Variants in CHST12 observed in about 807,000 individuals in gnomAD.
CHST12 encodes carbohydrate (chondroitin 4) sulfotransferase 12.
In CHST12, 23 loss-of-function variants were observed where a neutral mutation model predicts 27.9. That is an observed-to-expected ratio of 0.82 (90% CI 0.59 to 1.17). The LOEUF is 1.17. Among genes scored for constraint, CHST12 ranks in the 50% most tolerant of loss-of-function variants. CHST12 has a pLI of 0.00. For missense variants in CHST12, 682 were observed against 603.0 expected, an observed-to-expected ratio of 1.13 and a Z score of -1.37; for synonymous variants, 322 against 273.0, an observed-to-expected ratio of 1.18 and a Z score of -1.77.
intron 1 of CHST12, among the ~76,000 whole-genome samples, chr7:2,411,490 C>CTTTTT (rs79743047): frequency 3.4e-5 from 3 of 87,548 alleles, no homozygotes; most frequent in East Asian, 4.2e-4. Flanking sequence ...TAACTTAACT[C>CTTTTT]TTTTTTTTTT....
At chr7:2,420,676 A>G (rs1233616213) in intron 1 of CHST12, among the ~76,000 whole-genome samples, 5 of 152,048 alleles carry the variant, frequency 3.3e-5, no homozygotes, top group Admixed American at 2.6e-4. Flanking sequence ...GCAACCACCT[A>G]TAGTCTCAGC....
Position 2,435,481 on chromosome 7 carries a change from C to T in CHST12, c.*1597C>T, listed in dbSNP as rs1396106202. 1 of 152,204 alleles carries T rather than the reference C, an allele frequency of 6.6e-6. No homozygotes were observed. Among genetic ancestry groups the T allele is most frequent in the Non-Finnish European group, 1.5e-5 (1 of 68,060 alleles). The allele number at this position is 152,204 out of a possible 1,614,324, so 9.4% of individuals were successfully genotyped here. On this transcript the variant is annotated 3_prime_UTR_variant, in exon 2 of 2. Transcript: ENST00000618655. ...ATGGGCCCTGTCTTGATAAAAGTGT[C>T]AGAGGAGGCTCTGGAAACATCTGGC...
chr7:2,421,227 CTTTTTTT>C (rs60332594), intron 1 of CHST12, among the ~76,000 whole-genome samples: 3 of 92,008 alleles, frequency 3.3e-5, no homozygotes, highest in African/African-American at 1.3e-4. Context: ...CCTGCTAATT[CTTTTTTT>C]TTTTTTTTTT....
intron 1 of CHST12, among the ~76,000 whole-genome samples, chr7:2,410,121 C>G (rs1404691050): frequency 6.6e-6 from 1 of 152,212 alleles, no homozygotes; most frequent in Non-Finnish European, 1.5e-5. Context: ...GGTTTTAAAA[C>G]ATACCGACCA....
chr7:2,445,050 A>C lies in CHST12; in HGVS notation c.*11166A>C. The C allele has an allele frequency of 6.6e-6, 1 of 152,206 alleles. No individual in the cohort carries two copies. Among genetic ancestry groups the C allele is most frequent in the East Asian group, 1.9e-4 (1 of 5,198 alleles). 9.4% of individuals were successfully genotyped at this position (152,206 alleles called of 1,614,324 possible). ...CAAAATTTGGGGGCACAGATTTGCAAAGTGGATTTCAACATGTCGGGTTTC... is the reference window on the plus strand; with the variant it reads ...CAAAATTTGGGGGCACAGATTTGCACAGTGGATTTCAACATGTCGGGTTTC... On this transcript the variant is annotated 3_prime_UTR_variant, in exon 2 of 2. Coordinates refer to ENST00000618655, the MANE Select transcript of CHST12 (RefSeq NM_018641.5).
chr7:2,411,284 G>A (rs1038640865), intron 1 of CHST12, among the ~76,000 whole-genome samples: 1 of 151,952 alleles, frequency 6.6e-6, no homozygotes, highest in Non-Finnish European at 1.5e-5. Flanking sequence ...TTCTTGGTAT[G>A]TTGCGCAAGC....
At chr7:2,428,634 C>A (rs1433754002) in intron 1 of CHST12, among the ~76,000 whole-genome samples, 1 of 152,040 alleles carries the variant, frequency 6.6e-6, no homozygotes, top group Non-Finnish European at 1.5e-5. Flanking sequence ...GTGAGATGGT[C>A]ACATGGGGAT....
At chr7:2,404,235 C>G (rs1232764627) in intron 1 of CHST12, 1 of 152,402 alleles carries the variant, frequency 6.6e-6, no homozygotes, top group Non-Finnish European at 1.5e-5. Context: ...TAAATGACCT[C>G]TCACTCCAGA....
At chr7:2,404,529 G>A (rs1240578555) in intron 1 of CHST12, among the ~76,000 whole-genome samples, 2 of 152,382 alleles carry the variant, frequency 1.3e-5, no homozygotes, top group South Asian at 2.1e-4. Context: ...AGGACACCAG[G>A]CCCTACGGTG....
rs1190067056 is a variant in CHST12, at chr7:2,433,238, T to C, written c.599T>C (p.Leu200Pro). 6.2e-7 allele frequency: 1 copy of C among 1,611,770 alleles called. No individual in the cohort carries two copies. The highest frequency in any genetic ancestry group is 8.5e-7 in the Non-Finnish European group (1 of 1,178,916). Residue 200 changes from leucine (L) to proline (P), a missense_variant, in exon 2 of 2, where the codon CTG becomes CCG. Leu to Pro is a moderately conservative substitution (Grantham distance 98). Coordinates refer to ENST00000618655, the MANE Select transcript of CHST12 (RefSeq NM_018641.5). The surrounding 1 kb of genome is among the most constrained non-coding windows in gnomAD (Gnocchi z 6.1). Reference protein sequence around the residue: ...LHRGAPYRDPLRIPREHVHNA... With the variant: ...LHRGAPYRDPPRIPREHVHNA... ...CGCGGTGCGCCCTACCGCGACCCGC[T>C]GCGCATCCCGCGCGAGCACGTGCAC...
chr7:2,412,954 A>C (rs990640101), intron 1 of CHST12, among the ~76,000 whole-genome samples: 1 of 152,176 alleles, frequency 6.6e-6, no homozygotes, highest in African/African-American at 2.4e-5. Flanking sequence ...AGTAATAATA[A>C]AAATAACACA....
In CHST12 at chr7:2,433,277, A is replaced by G; in HGVS notation, c.638A>G (p.His213Arg). The G allele has an allele frequency of 2.5e-6, 4 of 1,612,098 alleles. No individual in the cohort carries two copies. Among genetic ancestry groups the G allele is most frequent in the Non-Finnish European group, 3.4e-6 (4 of 1,178,972 alleles). The change falls in exon 2 of 2, where the codon CAC (histidine) becomes CGC (arginine). Residue 213 changes from histidine (H) to arginine (R), a missense_variant. Transcript: ENST00000618655. This position sits in a 1 kb window ranked among gnomAD's most constrained non-coding sequence, Gnocchi z 6.1. ...GAGCACGTGCACAACGCCAGCGCGC[A>G]CCTGACCTTCAACAAGTTCTGGCGC... The part of the protein sequence containing the change: ...PREHVHNASA[H>R]LTFNKFWRRY...
intron 1 of CHST12, among the ~76,000 whole-genome samples, chr7:2,415,420 A>G (rs750859633): frequency 1.1e-4 from 16 of 152,124 alleles, no homozygotes; most frequent in Admixed American, 6.6e-4. Flanking sequence ...TAAGTGTGCA[A>G]TAGCATTATG....
rs551275629 is a variant in CHST12 at position 2,433,250 on chromosome 7, G to A, written c.611G>A (p.Arg204His). The A allele has an allele frequency of 2.5e-5, 41 of 1,611,438 alleles. No homozygotes were observed. The highest frequency in any genetic ancestry group is 3.3e-5 in the Non-Finnish European group (39 of 1,178,642). Reference sequence around the variant, plus strand: ...TACCGCGACCCGCTGCGCATCCCGCGCGAGCACGTGCACAACGCCAGCGCG... The same window carrying A: ...TACCGCGACCCGCTGCGCATCCCGCACGAGCACGTGCACAACGCCAGCGCG... Reference protein sequence around the residue: ...APYRDPLRIPREHVHNASAHL... With the variant: ...APYRDPLRIPHEHVHNASAHL... The change falls in exon 2 of 2, where the codon CGC (arginine) becomes CAC (histidine). Residue 204 changes from arginine to histidine, a missense_variant. Coordinates refer to ENST00000618655, the MANE Select transcript of CHST12 (RefSeq NM_018641.5). This position sits in a 1 kb window ranked among gnomAD's most constrained non-coding sequence, Gnocchi z 6.1.
chr7:2,440,962 C>G lies in CHST12; in HGVS notation c.*7078C>G, dbSNP rs1459842475. The G allele has an allele frequency of 1.3e-5, 2 of 152,146 alleles. No homozygotes were observed. Among genetic ancestry groups the G allele is most frequent in the Non-Finnish European group, 2.9e-5 (2 of 68,028 alleles). The allele number at this position is 152,146 out of a possible 1,614,324, so 9.4% of individuals were successfully genotyped here. ...GCCAGGCCCTGTCTTTTTTCCTTGTCTAAGCACCATCCTTGCTTAGGAGAG... is the reference window on the plus strand; with the variant it reads ...GCCAGGCCCTGTCTTTTTTCCTTGTGTAAGCACCATCCTTGCTTAGGAGAG... On this transcript the variant is annotated 3_prime_UTR_variant, in exon 2 of 2. Transcript: ENST00000618655.
chr7:2,433,497 C>G lies in CHST12; in HGVS notation c.858C>G (p.Ala286=). ...RLYANHTSLP[A]SAREAFRAGL... is the part of the protein sequence containing the mutation. The stretch of plus-strand genomic sequence containing the variant: ...ACGCCAACCACACCAGCCTGCCCGC[C>G]TCGGCGCGCGAGGCCTTCCGCGCTG... Residue 286 remains alanine, a synonymous_variant, in exon 2 of 2, where the codon GCC becomes GCG. Transcript: ENST00000618655. The surrounding 1 kb of genome is among the most constrained non-coding windows in gnomAD (Gnocchi z 6.1). 6.2e-7 allele frequency: 1 copy of G among 1,612,078 alleles called. No homozygotes were observed. The highest frequency in any genetic ancestry group is 8.5e-7 in the Non-Finnish European group (1 of 1,179,898).
In CHST12 at chr7:2,440,912, C is replaced by T. The variant is rs947389927; in HGVS notation, c.*7028C>T. On this transcript the variant is annotated 3_prime_UTR_variant, in exon 2 of 2. Transcript: ENST00000618655. Reference sequence around the variant, plus strand: ...GGTCATAAGTTAGCGTGTCTAAATGCACTTTGAAATCCTAGGATGAAAAAG... The same window carrying T: ...GGTCATAAGTTAGCGTGTCTAAATGTACTTTGAAATCCTAGGATGAAAAAG... 1.3e-5 allele frequency: 2 copies of T among 152,130 alleles called. No individual in the cohort carries two copies. Among genetic ancestry groups the T allele is most frequent in the African/African-American group, 4.8e-5 (2 of 41,428 alleles). 9.4% of individuals were successfully genotyped at this position (152,130 alleles called of 1,614,324 possible).
rs764884294 is a variant in CHST12, at chr7:2,439,615, C to T, written c.*5731C>T. 7.9e-5 allele frequency: 12 copies of T among 151,926 alleles called. No homozygotes were observed. The highest frequency in any genetic ancestry group is 2.1e-4 in the South Asian group (1 of 4,816). 9.4% of individuals were successfully genotyped at this position (151,926 alleles called of 1,614,324 possible). The stretch of plus-strand genomic sequence containing the variant: ...TTGGTAGAGGCCGGGTACGGTGGCT[C>T]ATGCCTGTAATCCCGGCACTTTGGG... On this transcript the variant is annotated 3_prime_UTR_variant, in exon 2 of 2. Transcript: ENST00000618655.
In CHST12 at chr7:2,437,393, A is replaced by G. The variant is rs1782498073; in HGVS notation, c.*3509A>G. 6.6e-6 allele frequency: 1 copy of G among 152,244 alleles called. No individual in the cohort carries two copies. Among genetic ancestry groups the G allele is most frequent in the African/African-American group, 2.4e-5 (1 of 41,448 alleles). The allele number at this position is 152,244 out of a possible 1,614,324, so 9.4% of individuals were successfully genotyped here. On this transcript the variant is annotated 3_prime_UTR_variant, in exon 2 of 2. Coordinates refer to ENST00000618655, the MANE Select transcript of CHST12 (RefSeq NM_018641.5). ...ATGCTGTGTATTTTCCATCTGCCCC[A>G]GGAATTTGACACAGGTGTGACTTGC...
Sources: gnomAD v4.1 joint callset for allele counts (sites outside exome capture counted in the v4.1 genomes callset) on GRCh38, gnomAD v4.1.1 for gene constraint, Gnocchi (gnomAD v3.1) non-coding constraint, MANE v1.5 for transcripts, NCBI Gene and HGNC (gene_info 2026-07-23, HGNC 2026-07-21) for gene names.